SH3RF1: variants seen among roughly 807,000 people sequenced by gnomAD.
The protein encoded by SH3RF1 is E3 ubiquitin-protein ligase SH3RF1.
SH3RF1 carries 32 observed loss-of-function variants against 74.0 expected under a neutral mutation model. The observed-to-expected ratio is 0.43, with a 90% CI of 0.33 to 0.58. The LOEUF is 0.58. Ranked by LOEUF, SH3RF1 falls within the 20% of genes least tolerant of loss-of-function variation. The pLI is 0.05. For synonymous variants in SH3RF1, 396 were observed against 439.6 expected, an observed-to-expected ratio of 0.90 and a Z score of 1.24; for missense variants, 954 against 1,130.9, an observed-to-expected ratio of 0.84 and a Z score of 2.24.
intron 9 of SH3RF1, 23 bp downstream of exon 9, chr4:169,117,500 T>A: frequency 3.7e-6 from 6 of 1,612,390 alleles, no homozygotes; most frequent in Non-Finnish European, 5.1e-6. Context: ...TCCTGATATG[T>A]TCTGGCCTGG....
chr4:169,130,007 A>C, intron 6 of SH3RF1, 39 bp downstream of exon 6: 1 of 1,534,084 alleles, frequency 6.5e-7, no homozygotes, highest in Non-Finnish European at 9.0e-7. Flanking sequence ...ATGACTAAAG[A>C]CCTAAAAGAG....
chr4:169,195,965 C>T (rs2126987224), intron 2 of SH3RF1, among the ~76,000 whole-genome samples: 1 of 152,220 alleles, frequency 6.6e-6, no homozygotes, highest in Non-Finnish European at 1.5e-5. Context: ...AGGTGTGCAC[C>T]ATTATGACCA....
At chr4:169,112,026 T>C (rs555182714) in intron 10 of SH3RF1, among the ~76,000 whole-genome samples, 1 of 152,156 alleles carries the variant, frequency 6.6e-6, no homozygotes, top group Non-Finnish European at 1.5e-5. Context: ...AAAATTATAT[T>C]TCTCTGTGGA....
At chr4:169,149,386 A>G (rs956024109) in intron 4 of SH3RF1, among the ~76,000 whole-genome samples, 6 of 152,180 alleles carry the variant, frequency 3.9e-5, no homozygotes, top group African/African-American at 1.4e-4. Flanking sequence ...GGCAGAAGGA[A>G]AAGCAATAAT....
intron 2 of SH3RF1, among the ~76,000 whole-genome samples, chr4:169,250,382 A>G (rs1382977968): frequency 2.0e-5 from 3 of 152,214 alleles, no homozygotes; most frequent in Non-Finnish European, 4.4e-5. Flanking sequence ...TTCATAAAAC[A>G]ATACAAAGTG....
intron 2 of SH3RF1, among the ~76,000 whole-genome samples, chr4:169,185,434 AAAAC>A (rs756424942): frequency 1.2e-4 from 19 of 152,218 alleles, no homozygotes; most frequent in African/African-American, 2.4e-4. Context: ...CAGAAAAAAC[AAAAC>A]AAACAAACAA....
chr4:169,097,214 T>TGTG (rs1732946536), intron 11 of SH3RF1, among the ~76,000 whole-genome samples: 1 of 152,174 alleles, frequency 6.6e-6, no homozygotes, highest in Non-Finnish European at 1.5e-5. Context: ...TCTGTGTCCC[T>TGTG]ACGTCCCTTA....
intron 2 of SH3RF1, among the ~76,000 whole-genome samples, chr4:169,232,253 G>A (rs968236824): frequency 1.3e-5 from 2 of 152,198 alleles, no homozygotes; most frequent in Admixed American, 6.5e-5. Flanking sequence ...AGGGAATGAT[G>A]TTCAAATCCA....
chr4:169,213,215 G>A (rs1400645239), intron 2 of SH3RF1, among the ~76,000 whole-genome samples: 1 of 152,142 alleles, frequency 6.6e-6, no homozygotes, highest in East Asian at 1.9e-4. Flanking sequence ...CAGTGTTCTG[G>A]ATTTCTGTCA....
At chr4:169,159,907 G>A (rs966867990) in intron 2 of SH3RF1, among the ~76,000 whole-genome samples, 16 of 152,202 alleles carry the variant, frequency 1.1e-4, no homozygotes, top group Non-Finnish European at 2.1e-4. Flanking sequence ...TGTTTTCTGA[G>A]TAGAATCCAT....
intron 2 of SH3RF1, among the ~76,000 whole-genome samples, chr4:169,191,037 A>C (rs1036931497): frequency 2.6e-5 from 4 of 152,186 alleles, no homozygotes; most frequent in African/African-American, 9.7e-5. Context: ...TTACGATTAA[A>C]ACTCTGGGCA....
intron 4 of SH3RF1, among the ~76,000 whole-genome samples, chr4:169,140,657 CT>C (rs1414912211): frequency 1.6e-4 from 24 of 152,018 alleles, no homozygotes; most frequent in Non-Finnish European, 2.9e-5. Context: ...TTAAAATAAA[CT>C]TTTTTGTGTG....
chr4:169,168,578 C>T (rs973896191), intron 2 of SH3RF1, among the ~76,000 whole-genome samples: 1 of 152,154 alleles, frequency 6.6e-6, no homozygotes, highest in African/African-American at 2.4e-5. Flanking sequence ...GATTGGAACT[C>T]GCTGAATAAA....
intron 10 of SH3RF1, among the ~76,000 whole-genome samples, chr4:169,111,342 C>A (rs1733242528): frequency 6.7e-6 from 1 of 150,304 alleles, no homozygotes. Context: ...GTAGCCTTGA[C>A]CTCCTGGGCT....
intron 2 of SH3RF1, among the ~76,000 whole-genome samples, chr4:169,158,998 C>A (rs1187295430): frequency 6.6e-6 from 1 of 152,154 alleles, no homozygotes; most frequent in Admixed American, 6.6e-5. Context: ...GGCCAATGTC[C>A]TGGGAAGACA....
At chr4:169,181,818 C>A (rs1734516401) in intron 2 of SH3RF1, among the ~76,000 whole-genome samples, 1 of 152,120 alleles carries the variant, frequency 6.6e-6, no homozygotes, top group Non-Finnish European at 1.5e-5. Flanking sequence ...ACTGGCCTGA[C>A]AAAAATGTTC....
At chr4:169,115,427 C>G (rs955429124) in intron 10 of SH3RF1, among the ~76,000 whole-genome samples, 1 of 152,164 alleles carries the variant, frequency 6.6e-6, no homozygotes, top group Non-Finnish European at 1.5e-5. Flanking sequence ...ATTAGATTCT[C>G]ATAGGAGCAT....
chr4:169,234,807 T>C (rs752147049), intron 2 of SH3RF1, among the ~76,000 whole-genome samples: 1 of 152,208 alleles, frequency 6.6e-6, no homozygotes, highest in Admixed American at 6.5e-5. Context: ...TTCTCAGTCT[T>C]GGCACTACTG....
intron 2 of SH3RF1, among the ~76,000 whole-genome samples, chr4:169,230,333 T>C (rs1212407691): frequency 6.6e-6 from 1 of 152,196 alleles, no homozygotes; most frequent in African/African-American, 2.4e-5. Flanking sequence ...AATAGAGCCG[T>C]GGATGCCCCA....
Sources: allele counts gnomAD v4.1 joint callset (sites outside exome capture counted in the v4.1 genomes callset), GRCh38; gene constraint gnomAD v4.1.1; transcripts MANE v1.5; gene names NCBI Gene and HGNC (gene_info 2026-07-23, HGNC 2026-07-21).